TRPM3: variants seen among roughly 807,000 people sequenced by gnomAD.
TRPM3 encodes the protein long transient receptor potential channel 3.
Under a neutral mutation model 181.2 loss-of-function variants are expected in TRPM3, and 77 were observed. The observed-to-expected ratio is 0.42, with a 90% CI of 0.35 to 0.51. The LOEUF is 0.51. Ranked by LOEUF, TRPM3 falls within the 20% of genes least tolerant of loss-of-function variation. The probability of loss-of-function intolerance (pLI) is 0.01; values close to 1 mark genes in which losing one functional copy is unlikely to be tolerated. For synonymous variants in TRPM3, 745 were observed against 796.4 expected (o/e 0.94, Z 1.09); for missense variants, 1,759 against 2,196.7 (o/e 0.80, Z 3.98).
At chr9:70,998,297 C>A (rs1180896668) in intron 1 of TRPM3, among the ~76,000 whole-genome samples, 1 of 148,814 alleles carries the variant, frequency 6.7e-6, no homozygotes, top group Non-Finnish European at 1.5e-5. Context: ...CCTGACATAA[C>A]CTCTTTTACC....
chr9:70,864,569 G>A (rs976751698), intron 1 of TRPM3, 58 bp from the exon 2 acceptor site: 12 of 1,265,312 alleles, frequency 9.5e-6, no homozygotes, highest in Non-Finnish European at 1.1e-5. Context: ...TGAACATACC[G>A]TGAAATATTT....
chr9:70,612,650 C>A (rs2133054096), intron 18 of TRPM3, among the ~76,000 whole-genome samples: 1 of 152,258 alleles, frequency 6.6e-6, no homozygotes, highest in South Asian at 2.1e-4. Flanking sequence ...AAGTTAGATT[C>A]CATACTAAGA....
At chr9:71,191,010 T>C (rs1215635115) in intron 1 of TRPM3, among the ~76,000 whole-genome samples, 4 of 151,840 alleles carry the variant, frequency 2.6e-5, no homozygotes, top group African/African-American at 9.7e-5. Context: ...CCAGACACCG[T>C]TTAATAGTTT....
At chr9:71,157,579 A>G (rs1055629118) in intron 1 of TRPM3, among the ~76,000 whole-genome samples, 2 of 152,162 alleles carry the variant, frequency 1.3e-5, no homozygotes, top group African/African-American at 4.8e-5. Context: ...AATTAAATCC[A>G]CAAATCAAAG....
chr9:70,828,469 T>G (rs1206697911), intron 5 of TRPM3, among the ~76,000 whole-genome samples: 1 of 152,176 alleles, frequency 6.6e-6, no homozygotes, highest in African/African-American at 2.4e-5. Context: ...GAAATGTGAT[T>G]CTTTCTGTCA....
intron 1 of TRPM3, among the ~76,000 whole-genome samples, chr9:71,251,102 TTTA>T (rs1426220692): frequency 2.0e-5 from 3 of 152,126 alleles, no homozygotes; most frequent in African/African-American, 7.2e-5. Flanking sequence ...AAAGTTTCCT[TTTA>T]TTGTTTTTCT....
At chr9:71,166,329 G>A (rs907772439) in intron 1 of TRPM3, among the ~76,000 whole-genome samples, 6 of 152,080 alleles carry the variant, frequency 3.9e-5, no homozygotes, top group Non-Finnish European at 7.4e-5. Flanking sequence ...GGAACCAGAA[G>A]GAAACGAGCA....
At position 71,261,675 on chromosome 9, in the gene TRPM3, G is replaced by C. The variant is rs928744322; in HGVS notation, c.183+184978C>G. 2.6e-5 allele frequency among the ~76,000 whole-genome samples: 4 copies of C among 152,240 alleles called. 1 individual carries two copies. Among genetic ancestry groups the C allele is most frequent in the Non-Finnish European group, 4.4e-5 (3 of 68,012 alleles). ...TTGGTCTTTGCTGTTAGTGACTTTC[G>C]AATGGAGTTTGCATGGTCATCCTTT... On this transcript the variant is annotated intron_variant, in intron 1 of 24. Coordinates refer to the TRPM3 transcript ENST00000357533.
intron 1 of TRPM3, among the ~76,000 whole-genome samples, chr9:70,996,307 G>T (rs999178146): frequency 1.2e-4 from 19 of 152,114 alleles, no homozygotes; most frequent in African/African-American, 4.6e-4. Context: ...GGTGGTGAAA[G>T]GCATAGGTTT....
chr9:71,153,156 T>C (rs1461758762), intron 1 of TRPM3, among the ~76,000 whole-genome samples: 2 of 152,150 alleles, frequency 1.3e-5, no homozygotes, highest in African/African-American at 4.8e-5. Flanking sequence ...TAATGTACCA[T>C]ATAGGGTAAT....
intron 7 of TRPM3, chr9:70,774,338 T>G (rs1227378241): frequency 6.5e-6 from 1 of 152,846 alleles, no homozygotes; most frequent in African/African-American, 2.4e-5. Flanking sequence ...GTAAATATAT[T>G]TTCTCTTCCT....
intron 1 of TRPM3, among the ~76,000 whole-genome samples, chr9:71,214,665 C>T (rs934707751): frequency 2.6e-5 from 4 of 152,156 alleles, no homozygotes; most frequent in African/African-American, 9.7e-5. Context: ...AACTGTTGGA[C>T]ATGATACACT....
intron 1 of TRPM3, among the ~76,000 whole-genome samples, chr9:70,901,725 A>G (rs1228691728): frequency 6.6e-6 from 1 of 152,246 alleles, no homozygotes; most frequent in Non-Finnish European, 1.5e-5. Flanking sequence ...AGCATCTGAA[A>G]GCACTGAAGT....
intron 6 of TRPM3, among the ~76,000 whole-genome samples, chr9:70,793,941 A>G (rs1252189904): frequency 6.6e-6 from 1 of 152,174 alleles, no homozygotes; most frequent in African/African-American, 2.4e-5. Context: ...GGTACATTTA[A>G]GTAAGCTAGG....
chr9:70,932,276 G>A (rs1042798324), intron 1 of TRPM3, among the ~76,000 whole-genome samples: 9 of 152,058 alleles, frequency 5.9e-5, no homozygotes, highest in African/African-American at 2.2e-4. Flanking sequence ...AAGAGAGTGG[G>A]GAAGAGGGCC....
chr9:71,008,497 A>C (rs1292265527), intron 1 of TRPM3, among the ~76,000 whole-genome samples: 1 of 152,150 alleles, frequency 6.6e-6, no homozygotes, highest in Non-Finnish European at 1.5e-5. Context: ...ATGAACATAG[A>C]TGCAAAAATC....
At chr9:70,568,166 T>A (rs2051148671) in intron 22 of TRPM3, among the ~76,000 whole-genome samples, 1 of 152,236 alleles carries the variant, frequency 6.6e-6, no homozygotes, top group Admixed American at 6.5e-5. Context: ...AATTGTTCAC[T>A]GGGGCCACAA....
intron 1 of TRPM3, among the ~76,000 whole-genome samples, chr9:70,926,731 C>A (rs2096725112): frequency 6.6e-6 from 1 of 152,176 alleles, no homozygotes; most frequent in Non-Finnish European, 1.5e-5. Context: ...TGCATAGATG[C>A]ATCTGATGGA....
intron 1 of TRPM3, among the ~76,000 whole-genome samples, chr9:70,963,578 C>A (rs549955038): frequency 1.3e-5 from 2 of 151,966 alleles, no homozygotes; most frequent in African/African-American, 4.8e-5. Context: ...GATAACACTT[C>A]GAGGTATGCA....
Sources: gnomAD v4.1 joint callset for allele counts (sites outside exome capture counted in the v4.1 genomes callset) on GRCh38, gnomAD v4.1.1 for gene constraint, MANE v1.5 for transcripts, NCBI Gene and HGNC (gene_info 2026-07-23, HGNC 2026-07-21) for gene names.